Variants in PPP3CC observed in about 807,000 individuals in gnomAD.
The protein encoded by PPP3CC is protein phosphatase 3 catalytic subunit gamma.
PPP3CC carries 35 observed loss-of-function variants against 60.3 expected under a neutral mutation model. That is an observed-to-expected ratio of 0.58 (90% CI 0.44 to 0.77). PPP3CC has a LOEUF of 0.77. PPP3CC is among the 30% of genes least tolerant of loss of function. PPP3CC has a pLI of 0.00. For missense variants in PPP3CC, 570 were observed against 628.9 expected (o/e 0.91, Z 1.00); for synonymous variants, 206 against 224.3 (o/e 0.92, Z 0.73).
Position 22,474,941 on chromosome 8 carries a change from T to C in PPP3CC, c.50-13T>C, listed in dbSNP as rs1563708462. On this transcript the variant is annotated splice_polypyrimidine_tract_variant and intron_variant, in intron 1 of 13. Coordinates refer to ENST00000240139, the MANE Select transcript of PPP3CC (RefSeq NM_005605.5). ...TTTAAATATTTTAAATTATTATTAT[T>C]ATTTTTTTGTAGCTGTCCCCTTTCC... 6.9e-7 allele frequency: 1 copy of C among 1,447,190 alleles called. No homozygotes were observed. The highest frequency in any genetic ancestry group is 9.3e-7 in the Non-Finnish European group (1 of 1,081,004). The allele number at this position is 1,447,190 out of a possible 1,614,324, so 89.6% of individuals were successfully genotyped here. A position where few individuals can be genotyped will look rare whatever the true frequency, so the allele number is the denominator to read the frequency against.
chr8:22,465,283 A>T (rs1043205477), intron 1 of PPP3CC, among the ~76,000 whole-genome samples: 1 of 152,052 alleles, frequency 6.6e-6, no homozygotes, highest in Non-Finnish European at 1.5e-5. Flanking sequence ...TCTTGATAGG[A>T]TAGGGTCAGG....
chr8:22,486,798 C>T (rs1028868281), intron 3 of PPP3CC, among the ~76,000 whole-genome samples: 105 of 150,584 alleles, frequency 7.0e-4, no homozygotes, highest in Middle Eastern at 3.4e-3. Context: ...GGCACCATCT[C>T]GGCTCACTGC....
chr8:22,470,627 A>G (rs977894339), intron 1 of PPP3CC, among the ~76,000 whole-genome samples: 1 of 152,242 alleles, frequency 6.6e-6, no homozygotes, highest in Non-Finnish European at 1.5e-5. Flanking sequence ...TCCCCAAAGA[A>G]GATATTCAAA....
chr8:22,441,516 G>A, intron 1 of PPP3CC, 58 bp downstream of exon 1: 4 of 1,470,208 alleles, frequency 2.7e-6, no homozygotes, highest in South Asian at 1.4e-5. Context: ...TCGGCTGGGC[G>A]GCGGCTCGGG....
intron 10 of PPP3CC, among the ~76,000 whole-genome samples, 186 bp downstream of exon 10, chr8:22,528,763 C>G (rs1051800641): frequency 5.3e-5 from 8 of 152,192 alleles, no homozygotes; most frequent in Non-Finnish European, 1.2e-4. Context: ...ATCCCATCAT[C>G]TTATAGATAT....
In PPP3CC at chr8:22,498,113, G is replaced by C; in HGVS notation, c.484+1G>C. On this transcript the variant is annotated splice_donor_variant, in intron 4 of 13. Transcript: ENST00000240139. LOFTEE classifies it high-confidence loss of function. ...GACTATTTCACCTTCAAACAGGAAT[G>C]TAAGTATAATCACTCCTCTAGAACC... 6.3e-7 allele frequency: 1 copy of C among 1,591,830 alleles called. No individual in the cohort carries two copies. Among genetic ancestry groups the C allele is most frequent in the Non-Finnish European group, 8.6e-7 (1 of 1,160,350 alleles).
At chr8:22,504,659 A>C (rs1348820844) in intron 4 of PPP3CC, among the ~76,000 whole-genome samples, 1 of 152,092 alleles carries the variant, frequency 6.6e-6, no homozygotes, top group Non-Finnish European at 1.5e-5. Flanking sequence ...ATTGTTATGT[A>C]CTTAGAAAGC....
At chr8:22,528,357 G>T (rs1432234435) in intron 9 of PPP3CC, 149 bp from the exon 10 acceptor site, 3 of 434,258 alleles carry the variant, frequency 6.9e-6, no homozygotes, top group Non-Finnish European at 1.2e-5. Context: ...TTACATTTAT[G>T]CTACTTTTTA....
At chr8:22,468,385 G>A (rs11991970) in intron 1 of PPP3CC, among the ~76,000 whole-genome samples, 5,970 of 152,266 alleles carry the variant, frequency 0.039, 410 homozygotes, top group African/African-American at 0.13. Flanking sequence ...GATTACAGGC[G>A]TGAGCCACTG....
chr8:22,443,694 G>C (rs1220688555), intron 1 of PPP3CC, among the ~76,000 whole-genome samples: 1 of 152,080 alleles, frequency 6.6e-6, no homozygotes, highest in African/African-American at 2.4e-5. Flanking sequence ...AATAATTTCA[G>C]GTCCTTAGAA....
chr8:22,511,948 C>T (rs900992711), intron 5 of PPP3CC, among the ~76,000 whole-genome samples: 2 of 150,950 alleles, frequency 1.3e-5, no homozygotes, highest in Admixed American at 6.6e-5. Context: ...CTGCCAGCTC[C>T]GAAATGCATT....
intron 6 of PPP3CC, among the ~76,000 whole-genome samples, chr8:22,515,155 C>G (rs1235059994): frequency 2.0e-5 from 3 of 152,114 alleles, no homozygotes; most frequent in Non-Finnish European, 2.9e-5. Flanking sequence ...AACCATCATT[C>G]TACTCTCATC....
chr8:22,507,029 G>C (rs910771151), intron 4 of PPP3CC, among the ~76,000 whole-genome samples: 2 of 152,076 alleles, frequency 1.3e-5, no homozygotes, highest in African/African-American at 4.8e-5. Flanking sequence ...TGAGGTGGGA[G>C]GATCTCTTGA....
chr8:22,483,561 T>G (rs896131149), intron 3 of PPP3CC, among the ~76,000 whole-genome samples: 1 of 152,092 alleles, frequency 6.6e-6, no homozygotes, highest in Admixed American at 6.6e-5. Flanking sequence ...GCTGGGATTA[T>G]AGGTGTGAGC....
At chr8:22,513,492 G>T in intron 6 of PPP3CC, 60 bp downstream of exon 6, 1 of 1,479,520 alleles carries the variant, frequency 6.8e-7, no homozygotes, top group South Asian at 1.4e-5. Flanking sequence ...TTTATCAGAT[G>T]ATTTTTCAGC....
At chr8:22,505,017 C>T (rs1057219831) in intron 4 of PPP3CC, among the ~76,000 whole-genome samples, 5 of 147,636 alleles carry the variant, frequency 3.4e-5, no homozygotes, top group African/African-American at 7.5e-5. Flanking sequence ...CTTATTTCCA[C>T]GAACCTATTT....
rs141307456 is a variant in PPP3CC, at chr8:22,506,707, C to T, written c.485-4379C>T. Among the ~76,000 whole-genome samples, 1,322 of 149,474 alleles carry T rather than the reference C, an allele frequency of 8.8e-3. 34 individuals are homozygous for T. In the East Asian group the frequency reaches 0.09, roughly 10 times the overall value. ...CTGTAATCCCAGCACTTTGGGAGGC[C>T]GAGGCGGGCAGATCACAAGGCCAGG... is the stretch of plus-strand genomic sequence containing the variant. On this transcript the variant is annotated intron_variant, in intron 4 of 13. Transcript: ENST00000240139.
chr8:22,495,867 T>G (rs1277903026), intron 3 of PPP3CC, among the ~76,000 whole-genome samples: 1 of 152,164 alleles, frequency 6.6e-6, no homozygotes, highest in African/African-American at 2.4e-5. Flanking sequence ...CCTATTTTCA[T>G]TTTTGTGTGG....
chr8:22,502,099 C>T (rs1838778184), intron 4 of PPP3CC, among the ~76,000 whole-genome samples: 1 of 152,116 alleles, frequency 6.6e-6, no homozygotes. Context: ...CTTTCTTTTG[C>T]CATATAATGG....
Sources: gnomAD v4.1 joint callset for allele counts (sites outside exome capture counted in the v4.1 genomes callset) on GRCh38, gnomAD v4.1.1 for gene constraint, MANE v1.5 for transcripts, NCBI Gene and HGNC (gene_info 2026-07-23, HGNC 2026-07-21) for gene names.